Variants in TLK1 observed in about 807,000 individuals in gnomAD.
The protein encoded by TLK1 is serine/threonine-protein kinase tousled-like 1.
Under a neutral mutation model 105.3 loss-of-function variants are expected in TLK1, and 24 were observed. The observed-to-expected ratio is 0.23, with a 90% CI of 0.17 to 0.32. TLK1 has a LOEUF of 0.32. TLK1 is among the 10% of genes least tolerant of loss of function. The pLI is 1.00. For missense variants in TLK1, 558 were observed against 910.5 expected (o/e 0.61, Z 4.98); for synonymous variants, 321 against 310.4 (o/e 1.03, Z -0.36).
intron 1 of TLK1, among the ~76,000 whole-genome samples, chr2:171,171,212 G>A (rs911405197): frequency 2.0e-5 from 3 of 152,154 alleles, no homozygotes; most frequent in Admixed American, 6.5e-5. Context: ...CTTTAAGACA[G>A]TGAAGAGACC....
chr2:171,117,276 A>G (rs1270215237), intron 2 of TLK1, among the ~76,000 whole-genome samples: 1 of 152,186 alleles, frequency 6.6e-6, no homozygotes, highest in Non-Finnish European at 1.5e-5. Flanking sequence ...TGAATCAAAC[A>G]GGTGGAGCTC....
intron 11 of TLK1, 29 bp downstream of exon 11, chr2:171,046,145 A>T (rs373537329): frequency 2.0e-6 from 3 of 1,493,248 alleles, no homozygotes; most frequent in Middle Eastern, 5.0e-4. Flanking sequence ...AACAATTTTA[A>T]AAAAGAAAAA....
intron 1 of TLK1, among the ~76,000 whole-genome samples, chr2:171,216,262 G>A (rs559977478): frequency 8.5e-5 from 13 of 152,218 alleles, no homozygotes; most frequent in African/African-American, 2.9e-4. Context: ...AGATCACGAG[G>A]TCAGGAGATT....
In TLK1 at chr2:171,082,862, A is replaced by G. The variant is rs762150579; in HGVS notation, c.259-10T>C. The G allele has an allele frequency of 3.1e-6, 5 of 1,592,758 alleles. No individual in the cohort carries two copies. The highest frequency in any genetic ancestry group is 3.4e-6 in the Non-Finnish European group (4 of 1,172,298). ...CGTTATTTGTTGAGGCCTGTTAAAG[A>G]TTTTTTAAAAGGTAAAAATTAGGAG... On this transcript the variant is annotated splice_polypyrimidine_tract_variant and intron_variant, in intron 2 of 20. Transcript: ENST00000431350.
chr2:171,193,761 G>T (rs866116781), intron 1 of TLK1, among the ~76,000 whole-genome samples: 3 of 135,332 alleles, frequency 2.2e-5, no homozygotes, highest in African/African-American at 8.7e-5. Context: ...TGTTGCCCAG[G>T]CTGGAATGCA....
chr2:171,203,111 T>C (rs1441699681), intron 1 of TLK1, among the ~76,000 whole-genome samples: 2 of 152,126 alleles, frequency 1.3e-5, no homozygotes, highest in Non-Finnish European at 1.5e-5. Context: ...CTACTGCAAA[T>C]GTAATTTTAG....
At chr2:171,084,789 T>C (rs1049989921) in intron 2 of TLK1, among the ~76,000 whole-genome samples, 1 of 152,030 alleles carries the variant, frequency 6.6e-6, no homozygotes, top group Non-Finnish European at 1.5e-5. Context: ...GAAACAACTA[T>C]ATAAATCAGA....
intron 14 of TLK1, among the ~76,000 whole-genome samples, chr2:171,010,060 A>T (rs895749836): frequency 6.6e-6 from 1 of 152,226 alleles, no homozygotes; most frequent in Non-Finnish European, 1.5e-5. Context: ...CTCTAGTTGC[A>T]GTGTACAAAA....
In TLK1 at chr2:170,994,780, T is replaced by C. The variant is rs1261681092; in HGVS notation, c.2125-824A>G. ...TTTGATTGTTTGAATTTTATATAAA[T>C]AGAATTATAAATTATGTTCTCCTTT... On this transcript the variant is annotated intron_variant, in intron 20 of 20. Transcript: ENST00000431350. The C allele has an allele frequency of 2.1e-5, 10 of 467,390 alleles. No individual in the cohort carries two copies. The East Asian group carries it at 3.4e-4, about 16-fold the overall frequency. The allele number at this position is 467,390 out of a possible 1,614,324, so 29.0% of individuals were successfully genotyped here. A position where few individuals can be genotyped will look rare whatever the true frequency, so the allele number is the denominator to read the frequency against.
At chr2:171,010,647 C>T (rs1684873125) in intron 14 of TLK1, among the ~76,000 whole-genome samples, 1 of 147,140 alleles carries the variant, frequency 6.8e-6, no homozygotes. Context: ...AAAAGAAAGG[C>T]ATAAAATAGT....
chr2:171,012,209 A>G (rs1684951842), intron 13 of TLK1, among the ~76,000 whole-genome samples: 1 of 152,148 alleles, frequency 6.6e-6, no homozygotes. Flanking sequence ...GATTTTAGAG[A>G]AGTTTACATT....
intron 1 of TLK1, chr2:171,159,616 C>T (rs1304111375): frequency 6.6e-6 from 1 of 152,266 alleles, no homozygotes; most frequent in Non-Finnish European, 1.5e-5. Context: ...CGCACAAACA[C>T]GCAGGAAGCA....
At chr2:171,143,295 A>G (rs886360432) in intron 1 of TLK1, among the ~76,000 whole-genome samples, 1 of 152,114 alleles carries the variant, frequency 6.6e-6, no homozygotes, top group African/African-American at 2.4e-5. Context: ...ACTTGAGGTC[A>G]GGAATTCAAG....
chr2:171,105,197 T>C (rs915221293), intron 2 of TLK1, among the ~76,000 whole-genome samples: 1 of 152,108 alleles, frequency 6.6e-6, no homozygotes, highest in Non-Finnish European at 1.5e-5. Flanking sequence ...AAGGAAACAA[T>C]CATAGAGTGA....
At chr2:171,145,359 A>G (rs767057021) in intron 1 of TLK1, among the ~76,000 whole-genome samples, 2 of 152,138 alleles carry the variant, frequency 1.3e-5, no homozygotes, top group Non-Finnish European at 2.9e-5. Flanking sequence ...TGGGAGGCCA[A>G]GGCGGGTGGA....
At chr2:171,094,678 G>T (rs907413453) in intron 2 of TLK1, among the ~76,000 whole-genome samples, 5 of 151,998 alleles carry the variant, frequency 3.3e-5, no homozygotes, top group African/African-American at 1.2e-4. Flanking sequence ...GCGTGATCTC[G>T]GCTCACTGCA....
chr2:171,207,767 C>T (rs1262261707), intron 1 of TLK1, among the ~76,000 whole-genome samples: 1 of 152,138 alleles, frequency 6.6e-6, no homozygotes, highest in East Asian at 1.9e-4. Flanking sequence ...GTCACCCAGG[C>T]TGGAGTACAG....
chr2:171,091,162 A>T (rs73029214), intron 2 of TLK1, among the ~76,000 whole-genome samples: 1 of 152,140 alleles, frequency 6.6e-6, no homozygotes, highest in Admixed American at 6.5e-5. Context: ...AGTAGTTTTG[A>T]TAGAGACCAC....
intron 1 of TLK1, among the ~76,000 whole-genome samples, chr2:171,203,441 T>A (rs566159664): frequency 6.6e-6 from 1 of 152,220 alleles, no homozygotes; most frequent in African/African-American, 2.4e-5. Flanking sequence ...TGGAATAACA[T>A]TGTATTTGTC....
Sources: allele counts gnomAD v4.1 joint callset (sites outside exome capture counted in the v4.1 genomes callset), GRCh38; gene constraint gnomAD v4.1.1; transcripts MANE v1.5; gene names NCBI Gene and HGNC (gene_info 2026-07-23, HGNC 2026-07-21).